ZBTB20: variants seen among roughly 807,000 people sequenced by gnomAD.
The protein encoded by ZBTB20 is zinc finger and BTB domain-containing protein 20.
ZBTB20 carries 9 observed loss-of-function variants against 56.9 expected under a neutral mutation model. The observed-to-expected ratio is 0.16, with a 90% CI of 0.10 to 0.28. ZBTB20 has a LOEUF of 0.28. Ranked by LOEUF, ZBTB20 falls within the 10% of genes least tolerant of loss-of-function variation. The probability of loss-of-function intolerance (pLI) is 1.00; values close to 1 mark genes in which losing one functional copy is unlikely to be tolerated. For synonymous variants in ZBTB20, 417 were observed against 420.7 expected (o/e 0.99, Z 0.11); for missense variants, 655 against 1,003.0 (o/e 0.65, Z 4.69).
chr3:114,508,200 T>C (rs999142543), intron 6 of ZBTB20, among the ~76,000 whole-genome samples: 5 of 152,272 alleles, frequency 3.3e-5, no homozygotes, highest in African/African-American at 1.2e-4. Context: ...TTCCTTTAAA[T>C]GACCAAAATG....
intron 4 of ZBTB20, among the ~76,000 whole-genome samples, chr3:114,816,035 C>A (rs2072891783): frequency 6.6e-6 from 1 of 152,156 alleles, no homozygotes; most frequent in Non-Finnish European, 1.5e-5. Flanking sequence ...AGAGTCTAAT[C>A]TTATTCTATC....
chr3:114,403,418 C>T (rs1029441196), intron 7 of ZBTB20, among the ~76,000 whole-genome samples: 1 of 152,088 alleles, frequency 6.6e-6, no homozygotes, highest in Non-Finnish European at 1.5e-5. Flanking sequence ...GAATAACTGA[C>T]TTACAAAGGC....
At chr3:114,497,123 C>T (rs2043368343) in intron 7 of ZBTB20, among the ~76,000 whole-genome samples, 1 of 152,208 alleles carries the variant, frequency 6.6e-6, no homozygotes, top group African/African-American at 2.4e-5. Flanking sequence ...TGGAATTACA[C>T]AAAGGTTAAT....
At chr3:115,059,424 C>A (rs1201903188) in intron 2 of ZBTB20, among the ~76,000 whole-genome samples, 1 of 152,118 alleles carries the variant, frequency 6.6e-6, no homozygotes, top group Non-Finnish European at 1.5e-5. Context: ...TTTTTGGGAT[C>A]TCATTTCCCT....
At chr3:114,366,955 G>A (rs2082469552) in intron 10 of ZBTB20, 1 of 152,204 alleles carries the variant, frequency 6.6e-6, no homozygotes, top group African/African-American at 2.4e-5. Context: ...CCTCTGTTTT[G>A]AATTATTTCA....
intron 1 of ZBTB20, among the ~76,000 whole-genome samples, chr3:115,132,495 AATGTT>A (rs1328552473): frequency 1.3e-5 from 2 of 152,232 alleles, no homozygotes; most frequent in African/African-American, 4.8e-5. Flanking sequence ...TACAAATGTT[AATGTT>A]ATATCATTTA....
intron 6 of ZBTB20, among the ~76,000 whole-genome samples, chr3:114,659,213 A>C (rs917882238): frequency 2.0e-5 from 3 of 152,170 alleles, no homozygotes; most frequent in African/African-American, 7.2e-5. Flanking sequence ...AGTGTTCCTG[A>C]AGATCAGGTC....
At chr3:114,768,591 T>C (rs1417848552) in intron 5 of ZBTB20, among the ~76,000 whole-genome samples, 1 of 152,186 alleles carries the variant, frequency 6.6e-6, no homozygotes, top group Admixed American at 6.5e-5. Context: ...AATGGCTATA[T>C]GTAAGAGGAA....
chr3:114,855,970 A>T (rs1174234403), intron 4 of ZBTB20, among the ~76,000 whole-genome samples: 1 of 152,178 alleles, frequency 6.6e-6, no homozygotes, highest in Non-Finnish European at 1.5e-5. Context: ...TCCTAGCATT[A>T]TTTTAGGGAG....
chr3:114,900,377 AT>A (rs1329550993), intron 3 of ZBTB20, 35 bp from the exon 4 acceptor site: 1 of 152,126 alleles, frequency 6.6e-6, no homozygotes, highest in Non-Finnish European at 1.5e-5. Context: ...GTAAAAATTA[AT>A]TTACTAAGTT....
chr3:114,691,732 C>A (rs2062709295), intron 6 of ZBTB20, among the ~76,000 whole-genome samples: 1 of 151,764 alleles, frequency 6.6e-6, no homozygotes, highest in Admixed American at 6.6e-5. Context: ...AAAAATATAT[C>A]CTCGGGGAAA....
intron 1 of ZBTB20, among the ~76,000 whole-genome samples, chr3:115,110,920 G>A (rs2083860352): frequency 1.3e-5 from 2 of 151,986 alleles, no homozygotes; most frequent in South Asian, 4.1e-4. Flanking sequence ...AACCTGGGAG[G>A]CAGAGGCTGC....
chr3:114,370,173 CAG>C (rs901120619), intron 10 of ZBTB20, among the ~76,000 whole-genome samples: 2 of 152,188 alleles, frequency 1.3e-5, no homozygotes, highest in African/African-American at 4.8e-5. Context: ...TATTTAATTG[CAG>C]AGTCTCCCTT....
chr3:114,532,579 T>C (rs1249771158), intron 6 of ZBTB20, among the ~76,000 whole-genome samples: 1 of 152,172 alleles, frequency 6.6e-6, no homozygotes, highest in African/African-American at 2.4e-5. Flanking sequence ...GACTTAAACG[T>C]TCCCACCTGC....
rs1283673630 is a variant in ZBTB20, at chr3:114,336,492, TAGTC to T, written c.*2509_*2512del. 2 of 152,188 alleles carry T rather than the reference TAGTC, an allele frequency of 1.3e-5. No homozygotes were observed. Among genetic ancestry groups the T allele is most frequent in the Non-Finnish European group, 2.9e-5 (2 of 68,040 alleles). The allele number at this position is 152,188 out of a possible 1,614,324, so 9.4% of individuals were successfully genotyped here. On this transcript the variant is annotated 3_prime_UTR_variant, in exon 12 of 12. Coordinates refer to ENST00000675478, the MANE Select transcript of ZBTB20 (RefSeq NM_001348800.3). ...AGAAATCACAATAGGTTACACTTAA[TAGTC>T]AGTTAACCACCCAAGTTTACATTAA...
At chr3:114,552,226 C>G (rs1400433067) in intron 6 of ZBTB20, among the ~76,000 whole-genome samples, 2 of 152,054 alleles carry the variant, frequency 1.3e-5, no homozygotes, top group Non-Finnish European at 2.9e-5. Flanking sequence ...CAAAACAAAA[C>G]AAAACTTGGA....
intron 6 of ZBTB20, chr3:114,503,009 TAAAC>T (rs2044185347): frequency 6.6e-6 from 1 of 152,200 alleles, no homozygotes; most frequent in African/African-American, 2.4e-5. Flanking sequence ...TTCTTATATC[TAAAC>T]ACATAACTTT....
intron 6 of ZBTB20, among the ~76,000 whole-genome samples, chr3:114,633,148 A>G (rs1468155296): frequency 6.6e-6 from 1 of 152,262 alleles, no homozygotes; most frequent in Non-Finnish European, 1.5e-5. Flanking sequence ...AAAGCAGGAT[A>G]GGAAAATTCT....
At chr3:114,833,581 G>A (rs2073965736) in intron 4 of ZBTB20, among the ~76,000 whole-genome samples, 1 of 151,808 alleles carries the variant, frequency 6.6e-6, no homozygotes, top group Admixed American at 6.6e-5. Flanking sequence ...CTAGGCTGGA[G>A]TGCAATGGTG....
Sources: gnomAD v4.1 joint callset for allele counts (sites outside exome capture counted in the v4.1 genomes callset) on GRCh38, gnomAD v4.1.1 for gene constraint, MANE v1.5 for transcripts, NCBI Gene and HGNC (gene_info 2026-07-23, HGNC 2026-07-21) for gene names.